The following ARHGAP32 variants were observed in gnomAD, a reference collection of about 807,000 sequenced individuals.
ARHGAP32 encodes rho GTPase-activating protein 32.
A neutral mutation model predicts 186.5 loss-of-function variants in ARHGAP32; 51 were observed. The observed-to-expected ratio is 0.27, with a 90% CI of 0.22 to 0.35. The LOEUF is 0.35. Among genes scored for constraint, ARHGAP32 ranks in the 10% least tolerant of loss-of-function variants. The pLI, the probability that ARHGAP32 is intolerant of heterozygous loss-of-function variation, is 1.00. For missense variants in ARHGAP32, 2,186 were observed against 2,623.5 expected (o/e 0.83, Z 3.64); for synonymous variants, 950 against 964.3 (o/e 0.99, Z 0.27).
chr11:129,191,029 T>C (rs536972129), intron 1 of ARHGAP32, among the ~76,000 whole-genome samples: 2 of 152,300 alleles, frequency 1.3e-5, no homozygotes, highest in South Asian at 4.1e-4. Flanking sequence ...TTAGTGAGGG[T>C]TATCAAGAGT....
intron 1 of ARHGAP32, among the ~76,000 whole-genome samples, chr11:129,191,114 A>G (rs1020618437): frequency 3.9e-5 from 6 of 152,144 alleles, no homozygotes; most frequent in African/African-American, 1.2e-4. Context: ...AAATCCTTTG[A>G]CTCGAGAAAA....
chr11:129,060,819 T>G (rs621989), intron 10 of ARHGAP32, among the ~76,000 whole-genome samples: 1 of 151,838 alleles, frequency 6.6e-6, no homozygotes, highest in African/African-American at 2.4e-5. Context: ...TAAAAAAAAA[T>G]TATACATCAG....
At chr11:129,040,108 G>A (rs1329789423) in intron 11 of ARHGAP32, among the ~76,000 whole-genome samples, 2 of 150,992 alleles carry the variant, frequency 1.3e-5, no homozygotes, top group African/African-American at 2.4e-5. Context: ...AATACCAAAA[G>A]AGTAAAGAAT....
At chr11:129,082,718 G>A (rs911703879) in intron 6 of ARHGAP32, among the ~76,000 whole-genome samples, 2 of 151,826 alleles carry the variant, frequency 1.3e-5, no homozygotes, top group Non-Finnish European at 2.9e-5. Flanking sequence ...GAAGCCAAAA[G>A]CAAATGAAAC....
intron 1 of ARHGAP32, among the ~76,000 whole-genome samples, chr11:129,201,868 A>G (rs1944459489): frequency 6.6e-6 from 1 of 152,128 alleles, no homozygotes; most frequent in South Asian, 2.1e-4. Context: ...CTGTAGACCC[A>G]GCTACTCAGG....
chr11:129,035,977 T>A (rs920824916), intron 11 of ARHGAP32, among the ~76,000 whole-genome samples: 1 of 152,218 alleles, frequency 6.6e-6, no homozygotes, highest in Non-Finnish European at 1.5e-5. Flanking sequence ...GCTATGCAGG[T>A]CTACAAATAC....
chr11:129,186,271 C>T (rs1315691153), intron 1 of ARHGAP32, among the ~76,000 whole-genome samples: 1 of 152,088 alleles, frequency 6.6e-6, no homozygotes, highest in Non-Finnish European at 1.5e-5. Flanking sequence ...CATCAAAATA[C>T]TCATACAGAT....
At chr11:129,070,583 G>A (rs1181522691) in intron 6 of ARHGAP32, among the ~76,000 whole-genome samples, 1 of 151,926 alleles carries the variant, frequency 6.6e-6, no homozygotes, top group Non-Finnish European at 1.5e-5. Flanking sequence ...AGTTTATGTT[G>A]CAATGTCTTA....
intron 2 of ARHGAP32, among the ~76,000 whole-genome samples, chr11:129,157,297 G>A (rs1943430505): frequency 6.6e-6 from 1 of 152,100 alleles, no homozygotes. Context: ...AAAGGAGCAT[G>A]TTGTAACCCA....
chr11:129,250,844 AAATT>A (rs1028336119), intron 1 of ARHGAP32, among the ~76,000 whole-genome samples: 7 of 152,228 alleles, frequency 4.6e-5, no homozygotes, highest in Non-Finnish European at 1.0e-4. Flanking sequence ...AGAAGGAAGA[AAATT>A]AACTAGCTTA....
At chr11:129,068,063 C>G (rs530212807) in intron 6 of ARHGAP32, among the ~76,000 whole-genome samples, 4 of 152,136 alleles carry the variant, frequency 2.6e-5, no homozygotes, top group Non-Finnish European at 2.9e-5. Flanking sequence ...GTGTCCTGGT[C>G]CCTATTCTAA....
chr11:129,066,018 C>A (rs1381992956), intron 7 of ARHGAP32, among the ~76,000 whole-genome samples: 1 of 152,178 alleles, frequency 6.6e-6, no homozygotes, highest in Admixed American at 6.6e-5. Context: ...TACAACATCT[C>A]TGATTTTAGT....
chr11:129,112,864 C>T (rs547148065), intron 5 of ARHGAP32, among the ~76,000 whole-genome samples: 2 of 152,104 alleles, frequency 1.3e-5, no homozygotes, highest in East Asian at 1.9e-4. Context: ...AATCCTGCAC[C>T]GACATAAAAG....
At chr11:129,010,995 G>C (rs74343426) in intron 11 of ARHGAP32, among the ~76,000 whole-genome samples, 1,990 of 152,238 alleles carry the variant, frequency 0.013, 44 homozygotes, top group African/African-American at 0.045. Flanking sequence ...TAATCATTTA[G>C]CAACAAATGA....
chr11:128,981,693 T>G (rs1197745331), intron 16 of ARHGAP32, 132 bp from the exon 17 acceptor site: 5 of 1,183,914 alleles, frequency 4.2e-6, no homozygotes, highest in Non-Finnish European at 5.9e-6. Flanking sequence ...TAAGGCCCAG[T>G]TGCCTGTTTT....
At chr11:129,227,055 T>A (rs1337819003) in intron 1 of ARHGAP32, among the ~76,000 whole-genome samples, 1 of 152,098 alleles carries the variant, frequency 6.6e-6, no homozygotes, top group Non-Finnish European at 1.5e-5. Context: ...GAGCAAATCA[T>A]AAATTTGGTT....
intron 5 of ARHGAP32, among the ~76,000 whole-genome samples, chr11:129,119,997 AAACT>A (rs1381247560): frequency 6.6e-6 from 1 of 152,118 alleles, no homozygotes; most frequent in Non-Finnish European, 1.5e-5. Context: ...AATAAGATGA[AAACT>A]AACTGGAGAG....
chr11:129,004,389 T>C (rs924370690), intron 11 of ARHGAP32, among the ~76,000 whole-genome samples: 7 of 152,048 alleles, frequency 4.6e-5, no homozygotes, highest in Non-Finnish European at 8.8e-5. Flanking sequence ...TTATTAGGTC[T>C]ATTTAGTCTA....
At chr11:129,257,115 C>CT (rs1413847147) in intron 1 of ARHGAP32, among the ~76,000 whole-genome samples, 1 of 152,056 alleles carries the variant, frequency 6.6e-6, no homozygotes, top group African/African-American at 2.4e-5. Context: ...GCACAAAAAG[C>CT]TTTGTGTTTT....
Sources: allele counts gnomAD v4.1 joint callset (sites outside exome capture counted in the v4.1 genomes callset), GRCh38; gene constraint gnomAD v4.1.1; transcripts MANE v1.5; gene names NCBI Gene and HGNC (gene_info 2026-07-23, HGNC 2026-07-21).